Variants in UNC13B observed in about 807,000 individuals in gnomAD.
UNC13B encodes unc-13 homolog B, also known as protein unc-13 homolog B.
Under a neutral mutation model 211.0 loss-of-function variants are expected in UNC13B, and 144 were observed. That is an observed-to-expected ratio of 0.68 (90% CI 0.60 to 0.78). The LOEUF (loss-of-function observed/expected upper bound fraction) is 0.78, where lower values mean the gene tolerates loss of function less well. Ranked by LOEUF, UNC13B falls within the 30% of genes least tolerant of loss-of-function variation. The pLI, the probability that UNC13B is intolerant of heterozygous loss-of-function variation, is 0.00. For missense variants in UNC13B, 1,777 were observed against 2,002.0 expected (o/e 0.89, Z 2.14); for synonymous variants, 709 against 725.8 (o/e 0.98, Z 0.37).
At position 35,377,587 on chromosome 9, in the gene UNC13B, C is replaced by T. The variant is rs762811189; in HGVS notation, c.9955C>T (p.Arg3319Trp). 50 of 1,614,168 alleles carry T rather than the reference C, an allele frequency of 3.1e-5. No homozygotes were observed. Among genetic ancestry groups the T allele is most frequent in the Middle Eastern group, 1.6e-4 (1 of 6,062 alleles). Residue 3319 changes from arginine (R) to tryptophan (W), a missense_variant, in exon 16 of 40, where the codon CGG becomes TGG. Physicochemically the swap from Arg to Trp is moderately radical, Grantham distance 101 (BLOSUM62 -3). Coordinates refer to ENST00000635942, the MANE Select transcript of UNC13B (RefSeq NM_001371189.2). ...TAAGCCAGAGATCTTTGAAGTTATC[C>T]GGGACGTCTTCACAGTGAACAAAGC... Reference protein sequence around the residue: ...RNKPEIFEVIRDVFTVNKAAH... With the variant: ...RNKPEIFEVIWDVFTVNKAAH...
At chr9:35,324,266 TATC>T (rs1249889359) in intron 11 of UNC13B, among the ~76,000 whole-genome samples, 1 of 152,206 alleles carries the variant, frequency 6.6e-6, no homozygotes, top group African/African-American at 2.4e-5. Flanking sequence ...CATTAATAGG[TATC>T]ATATTATACA....
Position 35,297,547 on chromosome 9 carries a change from C to CTTTTTTTT in UNC13B, c.761+1630_761+1637dup, listed in dbSNP as rs774525517. Among the ~76,000 whole-genome samples, 48 of 100,856 alleles carry CTTTTTTTT rather than the reference C, an allele frequency of 4.8e-4. 1 individual carries two copies. The highest frequency in any genetic ancestry group is 1.8e-3 in the African/African-American group (45 of 24,428). 66.2% of individuals were successfully genotyped at this position (100,856 alleles called of 152,430 possible). A position where few individuals can be genotyped will look rare whatever the true frequency, so the allele number is the denominator to read the frequency against. On this transcript the variant is annotated intron_variant, in intron 8 of 39. Transcript: ENST00000635942. The stretch of plus-strand genomic sequence containing the variant: ...TGCATTCAGGAAGCACATACTTTGT[C>CTTTTTTTT]TTTTTTTTTTTTTTTTTTTTGAGAC...
intron 6 of UNC13B, among the ~76,000 whole-genome samples, chr9:35,249,920 T>C (rs1459953915): frequency 6.6e-6 from 1 of 152,226 alleles, no homozygotes; most frequent in African/African-American, 2.4e-5. Flanking sequence ...TCTTTCATCC[T>C]CTCTTCCACT....
intron 1 of UNC13B, among the ~76,000 whole-genome samples, chr9:35,163,795 T>C (rs1452714766): frequency 6.6e-6 from 1 of 152,234 alleles, no homozygotes. Flanking sequence ...AATTCTGCTA[T>C]TTAGCTAACT....
chr9:35,355,522 A>G (rs1832971273), intron 11 of UNC13B, among the ~76,000 whole-genome samples: 1 of 152,228 alleles, frequency 6.6e-6, no homozygotes, highest in Non-Finnish European at 1.5e-5. Flanking sequence ...TCTCTAGTTT[A>G]TATTTCCAGG....
chr9:35,177,491 G>A (rs1821702055), intron 1 of UNC13B, among the ~76,000 whole-genome samples: 1 of 152,192 alleles, frequency 6.6e-6, no homozygotes, highest in Non-Finnish European at 1.5e-5. Flanking sequence ...TTTTAAAATG[G>A]AAGTGTTAAC....
chr9:35,193,663 A>C (rs907861776), intron 1 of UNC13B, among the ~76,000 whole-genome samples: 4 of 151,654 alleles, frequency 2.6e-5, no homozygotes, highest in Non-Finnish European at 4.4e-5. Flanking sequence ...GTCTCAAAAA[A>C]AAAAAAAAAA....
At chr9:35,291,177 A>C in intron 7 of UNC13B, 2 of 1,415,368 alleles carry the variant, frequency 1.4e-6, no homozygotes, top group Admixed American at 2.0e-5. Flanking sequence ...CTGAACTGTG[A>C]AGCTGGATAT....
At chr9:35,385,005 A>G (rs1024269228) in intron 22 of UNC13B, 1 of 978,822 alleles carries the variant, frequency 1.0e-6, no homozygotes, top group Non-Finnish European at 1.2e-6. Flanking sequence ...TCTGCACTCA[A>G]GTGCCCTCCA....
rs2131826170 is a variant in UNC13B, at chr9:35,301,495, C to A, written c.2091C>A (p.Gly697=). ...ECGLELNKRE[G]TLDNYSSSII... Reference sequence around the variant, plus strand: ...GTTTGGAGTTAAATAAAAGGGAAGGCACTCTTGACAATTACAGTAGTAGCA... The same window carrying A: ...GTTTGGAGTTAAATAAAAGGGAAGGAACTCTTGACAATTACAGTAGTAGCA... The change falls in exon 9 of 40, where the codon GGC becomes GGA. Residue 697 remains glycine (G), a synonymous_variant. Coordinates refer to ENST00000635942, the MANE Select transcript of UNC13B (RefSeq NM_001371189.2). The A allele has an allele frequency of 2.5e-6, 1 of 398,614 alleles. No individual in the cohort carries two copies. Among genetic ancestry groups the A allele is most frequent in the African/African-American group, 2.1e-5 (1 of 48,664 alleles). 24.7% of individuals were successfully genotyped at this position (398,614 alleles called of 1,614,324 possible).
intron 11 of UNC13B, chr9:35,342,162 C>A: frequency 1.0e-6 from 1 of 985,442 alleles, no homozygotes; most frequent in Non-Finnish European, 1.2e-6. Flanking sequence ...GTCTGTTTGT[C>A]GGTTGGGCAA....
At chr9:35,339,637 A>G (rs1020032955) in intron 11 of UNC13B, among the ~76,000 whole-genome samples, 1 of 152,264 alleles carries the variant, frequency 6.6e-6, no homozygotes, top group Non-Finnish European at 1.5e-5. Context: ...TCAAAGCTGC[A>G]TGAGCTCTCC....
At chr9:35,342,005 G>A (rs549670239) in intron 11 of UNC13B, 2 of 985,496 alleles carry the variant, frequency 2.0e-6, no homozygotes, top group African/African-American at 3.5e-5. Flanking sequence ...GAGAGGTGTG[G>A]ACCAGGTTAG....
intron 20 of UNC13B, 31 bp from the exon 21 acceptor site, chr9:35,382,326 T>C (rs1564184691): frequency 1.9e-6 from 3 of 1,599,370 alleles, no homozygotes; most frequent in Non-Finnish European, 2.6e-6. Context: ...CCCTGAAGAG[T>C]CTTTGAGGCT....
chr9:35,364,636 T>C, intron 11 of UNC13B: 2 of 1,466,942 alleles, frequency 1.4e-6, no homozygotes, highest in South Asian at 1.2e-5. Flanking sequence ...AAGCACTGTA[T>C]GTGTGTGTGT....
chr9:35,387,650 T>G (rs1835271811), intron 24 of UNC13B, among the ~76,000 whole-genome samples: 1 of 152,222 alleles, frequency 6.6e-6, no homozygotes, highest in Non-Finnish European at 1.5e-5. Flanking sequence ...CAATTTCATT[T>G]TTTCCTTATT....
chr9:35,257,013 TC>T (rs1228146551), intron 6 of UNC13B, among the ~76,000 whole-genome samples: 1 of 152,158 alleles, frequency 6.6e-6, no homozygotes, highest in African/African-American at 2.4e-5. Context: ...TACTCTGATC[TC>T]TTAGGTCTGC....
At chr9:35,280,742 C>T (rs2131724448) in intron 7 of UNC13B, among the ~76,000 whole-genome samples, 1 of 152,264 alleles carries the variant, frequency 6.6e-6, no homozygotes, top group African/African-American at 2.4e-5. Flanking sequence ...TCTTCTGACT[C>T]ATTTATTTAT....
At chr9:35,200,586 T>C (rs989163154) in intron 1 of UNC13B, among the ~76,000 whole-genome samples, 4 of 152,200 alleles carry the variant, frequency 2.6e-5, no homozygotes, top group Non-Finnish European at 4.4e-5. Flanking sequence ...TATTTTATTC[T>C]CTTTGAAGCA....
Sources: gnomAD v4.1 joint callset for allele counts (sites outside exome capture counted in the v4.1 genomes callset) on GRCh38, gnomAD v4.1.1 for gene constraint, MANE v1.5 for transcripts, NCBI Gene and HGNC (gene_info 2026-07-23, HGNC 2026-07-21) for gene names.